PRRC2A: variants seen among roughly 807,000 people sequenced by gnomAD.
PRRC2A encodes the protein proline rich coiled-coil 2A.
Under a neutral mutation model 224.6 loss-of-function variants are expected in PRRC2A, and 59 were observed. That is an observed-to-expected ratio of 0.26 (90% confidence interval 0.21 to 0.33). The LOEUF is 0.33. Among genes scored for constraint, PRRC2A ranks in the 10% least tolerant of loss-of-function variants. The pLI is 1.00. For synonymous variants in PRRC2A, 1,194 were observed against 1,109.5 expected (o/e 1.08, Z -1.51); for missense variants, 3,095 against 2,880.7 (o/e 1.07, Z -1.70).
Position 31,627,649 on chromosome 6 carries a change from C to A in PRRC2A, c.1291-116C>A. The A allele has an allele frequency of 7.5e-7, 1 of 1,341,376 alleles. No individual in the cohort carries two copies. Among genetic ancestry groups the A allele is most frequent in the Non-Finnish European group, 1.0e-6 (1 of 994,920 alleles). The allele number at this position is 1,341,376 out of a possible 1,614,324, so 83.1% of individuals were successfully genotyped here. ...TTTGTCACCACCCAGAGAGATCAAC[C>A]CCAAAGCCTGGGTCGTTGCATCCTG... is the stretch of plus-strand genomic sequence containing the variant. On this transcript the variant is annotated intron_variant, in intron 11 of 30. Transcript: ENST00000376033. This position sits in a 1 kb window ranked among gnomAD's most constrained non-coding sequence, Gnocchi z 5.6.
Position 31,635,187 on chromosome 6 carries a change from A to C in PRRC2A, c.5216A>C (p.Gln1739Pro). ...PPGPIGTERS[Q>P]RTDRGTEPGP... ...GGCCCCATTGGCACAGAACGATCAC[A>C]GCGTACAGACCGAGGCACAGAGCCT... Residue 1739 changes from glutamine to proline, a missense_variant, in exon 22 of 31, where the codon CAG becomes CCG. Physicochemically the swap from Gln to Pro is moderately conservative, Grantham distance 76. Transcript: ENST00000376033. The C allele has an allele frequency of 1.9e-6, 3 of 1,612,828 alleles. No individual in the cohort carries two copies. The highest frequency in any genetic ancestry group is 1.7e-6 in the Non-Finnish European group (2 of 1,178,834).
chr6:31,633,983 A>G lies in PRRC2A; in HGVS notation c.4713A>G (p.Leu1571=), dbSNP rs749770665. The G allele has an allele frequency of 4.4e-6, 7 of 1,605,636 alleles. No homozygotes were observed. Among genetic ancestry groups the G allele is most frequent in the Non-Finnish European group, 5.9e-6 (7 of 1,178,128 alleles). ...RERPPRKPEL[L]QEESLPPPHS... The stretch of plus-strand genomic sequence containing the variant: ...GGCCTCCCAGAAAACCAGAGCTGCT[A>G]CAGGAGGTAAGGGATGGGTTTGAGA... The change falls in exon 18 of 31, where the codon CTA becomes CTG. Residue 1571 remains leucine, a synonymous_variant. Transcript: ENST00000376033.
At chr6:31,628,299 G>C (rs938688721) in intron 12 of PRRC2A, 60 bp downstream of exon 12, 8 of 1,535,846 alleles carry the variant, frequency 5.2e-6, no homozygotes, top group Non-Finnish European at 7.0e-6. Flanking sequence ...GTGCTTAAAG[G>C]TGCAGGGTGG....
chr6:31,633,137 C>G, intron 16 of PRRC2A, 145 bp downstream of exon 16: 1 of 1,249,072 alleles, frequency 8.0e-7, no homozygotes, highest in Non-Finnish European at 1.1e-6. Flanking sequence ...CCATGTCTGG[C>G]TAAGGCAACT....
At chr6:31,621,206 CCGT>C (rs1255613649) in intron 1 of PRRC2A, among the ~76,000 whole-genome samples, 5 of 54,130 alleles carry the variant, frequency 9.2e-5, no homozygotes, top group Non-Finnish European at 1.8e-4. Flanking sequence ...GGCTGCCGCC[CCGT>C]GGTGGTGGGC....
rs554299374 is a variant in PRRC2A, at chr6:31,625,195, C to T, written c.488C>T (p.Ser163Leu). 648 of 1,613,032 alleles carry T rather than the reference C, an allele frequency of 4.0e-4. 5 individuals are homozygous for T. The South Asian group carries it at 6.5e-3, about 16-fold the overall frequency. ...GGTGGAAGGGCATCAAGCCTACTGT[C>T]ACGATTCTCTCGAGAGGAATTTCCG... ...GDGGRASSLLSRFSREEFPTL... is the reference protein window; with the variant it reads ...GDGGRASSLLLRFSREEFPTL... Residue 163 changes from serine to leucine, a missense_variant, in exon 6 of 31, where the codon TCA becomes TTA. This residue lies in a region of PRRC2A where 287 missense variants were observed against 275.3 expected (regional missense o/e 1.04). Transcript: ENST00000376033. The surrounding 1 kb of genome is among the most constrained non-coding windows in gnomAD (Gnocchi z 4.1).
chr6:31,625,833 C>A lies in PRRC2A; in HGVS notation c.801C>A (p.Pro267=). The A allele has an allele frequency of 6.3e-7, 1 of 1,591,926 alleles. No homozygotes were observed. Among genetic ancestry groups the A allele is most frequent in the Non-Finnish European group, 8.6e-7 (1 of 1,160,834 alleles). Residue 267 remains proline, a synonymous_variant, in exon 8 of 31, where the codon CCC becomes CCA. Coordinates refer to ENST00000376033, the MANE Select transcript of PRRC2A (RefSeq NM_004638.4). The surrounding 1 kb of genome is among the most constrained non-coding windows in gnomAD (Gnocchi z 4.1). The part of the protein sequence containing the change: ...PYLPFPPPYG[P]QGPYRYPTPD... ...TCCCGTTCCCTCCGCCCTATGGACCCCAGGGGCCTTACCGATACCCCACTC... is the reference window on the plus strand; with the variant it reads ...TCCCGTTCCCTCCGCCCTATGGACCACAGGGGCCTTACCGATACCCCACTC...
chr6:31,625,940 T>C lies in PRRC2A; in HGVS notation c.839+69T>C, dbSNP rs1775859347. 1.3e-6 allele frequency: 2 copies of C among 1,589,336 alleles called. No individual in the cohort carries two copies. The highest frequency in any genetic ancestry group is 1.7e-6 in the Non-Finnish European group (2 of 1,162,800). On this transcript the variant is annotated intron_variant, in intron 8 of 30. Coordinates refer to ENST00000376033, the MANE Select transcript of PRRC2A (RefSeq NM_004638.4). This position sits in a 1 kb window ranked among gnomAD's most constrained non-coding sequence, Gnocchi z 4.1. ...CTTATTGGGGGAGGAGATGGTTTTC[T>C]AGCCAGGAGGCTCAGTCTAGGATCA...
chr6:31,633,236 G>T lies in PRRC2A; in HGVS notation c.4320-143G>T, dbSNP rs1776888176. The T allele has an allele frequency of 1.5e-5, 19 of 1,244,684 alleles. 1 individual carries two copies. The Middle Eastern group carries it at 2.2e-3, about 143-fold the overall frequency. 77.1% of individuals were successfully genotyped at this position (1,244,684 alleles called of 1,614,324 possible). A position where few individuals can be genotyped will look rare whatever the true frequency, so the allele number is the denominator to read the frequency against. ...TGCTTTCCAGTCTGTGCATCTGTAT[G>T]CATAGGAATCCTTAGAAGGACTCAA... On this transcript the variant is annotated intron_variant, in intron 16 of 30. Transcript: ENST00000376033.
In PRRC2A at chr6:31,624,356, C is replaced by T. The variant is rs1230964391; in HGVS notation, c.386C>T (p.Pro129Leu). The T allele has an allele frequency of 3.7e-6, 6 of 1,613,934 alleles. No homozygotes were observed. Among genetic ancestry groups the T allele is most frequent in the South Asian group, 1.1e-5 (1 of 91,078 alleles). ...SNQPKRPPAA[P>L]ENTPLVPSGV... is the part of the protein sequence containing the mutation. ...CAGCCGAAACGACCCCCAGCAGCCC[C>T]CGAGGTACCTGGAGAACTGGAGGGG... Residue 129 changes from proline (P) to leucine (L), a missense_variant, in exon 4 of 31, where the codon CCC (proline) becomes CTC (leucine). By Grantham distance (98) the Pro-to-Leu change is moderately conservative (BLOSUM62 -3). Coordinates refer to ENST00000376033, the MANE Select transcript of PRRC2A (RefSeq NM_004638.4).
At position 31,634,920 on chromosome 6, in the gene PRRC2A, A is replaced by G; in HGVS notation, c.5103A>G (p.Pro1701=). Residue 1701 remains proline (P), a synonymous_variant, in exon 21 of 31, where the codon CCA becomes CCG. Transcript: ENST00000376033. ...TGAATGCTGTTCCTTGTGAGGGTCCACCTGGCTCTGAACCTCCTAGGAGAC... is the reference window on the plus strand; with the variant it reads ...TGAATGCTGTTCCTTGTGAGGGTCCGCCTGGCTCTGAACCTCCTAGGAGAC... The part of the protein sequence containing the change: ...SPLNAVPCEG[P]PGSEPPRRPP... The G allele has an allele frequency of 6.2e-7, 1 of 1,612,926 alleles. No individual in the cohort carries two copies. Among genetic ancestry groups the G allele is most frequent in the Non-Finnish European group, 8.5e-7 (1 of 1,179,990 alleles).
chr6:31,628,896 A>G lies in PRRC2A; in HGVS notation c.1766-248A>G, dbSNP rs1776217498. On this transcript the variant is annotated intron_variant, in intron 12 of 30. Coordinates refer to ENST00000376033, the MANE Select transcript of PRRC2A (RefSeq NM_004638.4). ...TAAATAAAAATGAAAACTATTTCCT[A>G]TAGGCCAAGACTGAAGAAAGTACTG... 1.4e-5 allele frequency: 7 copies of G among 487,674 alleles called. No homozygotes were observed. In the South Asian group the frequency reaches 1.7e-4, roughly 12 times the overall value. The allele number at this position is 487,674 out of a possible 1,614,324, so 30.2% of individuals were successfully genotyped here.
At position 31,626,070 on chromosome 6, in the gene PRRC2A, T is replaced by C. The variant is rs1247027811; in HGVS notation, c.890T>C (p.Leu297Ser). The C allele has an allele frequency of 1.2e-6, 2 of 1,612,976 alleles. No individual in the cohort carries two copies. The highest frequency in any genetic ancestry group is 1.7e-6 in the Non-Finnish European group (2 of 1,179,960). The change falls in exon 9 of 31, where the codon TTA (leucine) becomes TCA (serine). Residue 297 changes from leucine to serine, a missense_variant. Physicochemically the swap from Leu to Ser is moderately radical, Grantham distance 145. Transcript: ENST00000376033. Reference sequence around the variant, plus strand: ...CGAGGCTCAGGGCCACCAATGCGCTTAGTAGAGCCTGTGGGTCGTCCCTCT... The same window carrying C: ...CGAGGCTCAGGGCCACCAATGCGCTCAGTAGAGCCTGTGGGTCGTCCCTCT... ...GPRGSGPPMR[L>S]VEPVGRPSIL...
chr6:31,629,055 G>A lies in PRRC2A; in HGVS notation c.1766-89G>A, dbSNP rs144111210. On this transcript the variant is annotated intron_variant, in intron 12 of 30. Coordinates refer to ENST00000376033, the MANE Select transcript of PRRC2A (RefSeq NM_004638.4). The stretch of plus-strand genomic sequence containing the variant: ...TGAATAGAATATTTTAGTCTTAAGG[G>A]AGCTAGAGATGAGACGTGAGATTCC... 6,307 of 1,313,974 alleles carry A rather than the reference G, an allele frequency of 4.8e-3. 38 individuals carry two copies. The highest frequency in any genetic ancestry group is 0.015 in the East Asian group (643 of 43,312). 81.4% of individuals were successfully genotyped at this position (1,313,974 alleles called of 1,614,324 possible).
chr6:31,625,063 G>C lies in PRRC2A; in HGVS notation c.464-108G>C. ...TCCGCCCGCCTCAGCCTCCCAGAGTGCTGGGATTACAGGCGTGAGCCACCG... is the reference window on the plus strand; with the variant it reads ...TCCGCCCGCCTCAGCCTCCCAGAGTCCTGGGATTACAGGCGTGAGCCACCG... On this transcript the variant is annotated intron_variant, in intron 5 of 30. Transcript: ENST00000376033. This position sits in a 1 kb window ranked among gnomAD's most constrained non-coding sequence, Gnocchi z 4.1. 7.9e-7 allele frequency: 1 copy of C among 1,267,748 alleles called. No individual in the cohort carries two copies. The highest frequency in any genetic ancestry group is 1.1e-6 in the Non-Finnish European group (1 of 902,202). 78.5% of individuals were successfully genotyped at this position (1,267,748 alleles called of 1,614,324 possible).
At chr6:31,635,858 C>CT in intron 24 of PRRC2A, 109 bp downstream of exon 24, 1 of 1,448,318 alleles carries the variant, frequency 6.9e-7, no homozygotes, top group South Asian at 1.3e-5. Flanking sequence ...TGAGATACCA[C>CT]TTTGTCACAT....
intron 13 of PRRC2A, 60 bp from the exon 14 acceptor site, chr6:31,629,488 T>C: frequency 7.1e-7 from 1 of 1,417,974 alleles, no homozygotes; most frequent in Admixed American, 1.8e-5. Flanking sequence ...TTTTCTTTGC[T>C]GATTCCTTTG....
chr6:31,632,550 G>C lies in PRRC2A; in HGVS notation c.3877G>C (p.Val1293Leu). The C allele has an allele frequency of 6.2e-7, 1 of 1,611,692 alleles. No homozygotes were observed. Among genetic ancestry groups the C allele is most frequent in the Non-Finnish European group, 8.5e-7 (1 of 1,179,186 alleles). Residue 1293 changes from valine to leucine, a missense_variant, in exon 16 of 31, where the codon GTC becomes CTC. This residue lies in a region of PRRC2A where 2,001 missense variants were observed against 1,764.9 expected (regional missense o/e 1.13). Coordinates refer to ENST00000376033, the MANE Select transcript of PRRC2A (RefSeq NM_004638.4). ...TGGACCTGAGGAGGCCCTCACAACAGTCACAGTGGCCCCAGCACCTCGCCG... is the reference window on the plus strand; with the variant it reads ...TGGACCTGAGGAGGCCCTCACAACACTCACAGTGGCCCCAGCACCTCGCCG... The part of the protein sequence containing the change: ...APGPEEALTT[V>L]TVAPAPRRAA...
chr6:31,628,571 T>C, intron 12 of PRRC2A: 1 of 376,644 alleles, frequency 2.7e-6, no homozygotes, highest in South Asian at 5.2e-5. Context: ...CGGCCAGGCA[T>C]GGTGGCTCAC....
Sources: gnomAD v4.1 joint callset for allele counts (sites outside exome capture counted in the v4.1 genomes callset) on GRCh38, gnomAD v4.1.1 for gene constraint, gnomAD v4.1.1 regional missense constraint, Gnocchi (gnomAD v3.1) non-coding constraint, MANE v1.5 for transcripts, NCBI Gene and HGNC (gene_info 2026-07-23, HGNC 2026-07-21) for gene names.